The following PPP6R2 variants were observed in gnomAD, a reference collection of about 807,000 sequenced individuals.
PPP6R2 encodes the protein serine/threonine-protein phosphatase 6 regulatory subunit 2.
Under a neutral mutation model 100.2 loss-of-function variants are expected in PPP6R2, and 62 were observed. The observed-to-expected ratio is 0.62, with a 90% confidence interval of 0.50 to 0.76. The LOEUF (loss-of-function observed/expected upper bound fraction) is 0.76, where lower values mean the gene tolerates loss of function less well. Among genes scored for constraint, PPP6R2 ranks in the 30% least tolerant of loss-of-function variants. PPP6R2 has a pLI of 0.00. For synonymous variants in PPP6R2, 525 were observed against 514.7 expected (o/e 1.02, Z -0.27); for missense variants, 1,142 against 1,276.3 (o/e 0.89, Z 1.60).
chr22:50,440,356 T>G (rs1324197862), intron 21 of PPP6R2, among the ~76,000 whole-genome samples: 2 of 152,216 alleles, frequency 1.3e-5, no homozygotes, highest in African/African-American at 2.4e-5. Flanking sequence ...GAGATGTGTG[T>G]GGGTGGGTTG....
At chr22:50,332,512 G>A in the PPP6R2 span, among the ~76,000 whole-genome samples, 14 of 152,180 alleles carry the variant, frequency 9.2e-5, no homozygotes, top group East Asian at 2.5e-3. Flanking sequence ...TTACAGGCGT[G>A]AGCCACTGCG....
At chr22:50,334,206 T>C in the PPP6R2 span, among the ~76,000 whole-genome samples, 1 of 152,012 alleles carries the variant, frequency 6.6e-6, no homozygotes, top group African/African-American at 2.4e-5. Context: ...CCACAAGAGG[T>C]GGTGGAGCAG....
chr22:50,373,240 CTTT>C (rs530254249), intron 2 of PPP6R2, among the ~76,000 whole-genome samples: 4 of 126,420 alleles, frequency 3.2e-5, no homozygotes, highest in Non-Finnish European at 3.3e-5. Context: ...TAATTTCTTT[CTTT>C]TTTTTTTTTT....
rs2060491669 is a variant in PPP6R2, at chr22:50,416,089, C to T, written c.553-3C>T. The stretch of plus-strand genomic sequence containing the variant: ...CACTGAAAGGCCTCTTTTTCTCTTT[C>T]AGTGGCTGAATGAAGAGAAGGTCAT... On this transcript the variant is annotated splice_polypyrimidine_tract_variant and splice_region_variant and intron_variant, in intron 5 of 23. Coordinates refer to ENST00000612753, the MANE Select transcript of PPP6R2 (RefSeq NM_001242898.2). 1.2e-6 allele frequency: 2 copies of T among 1,612,390 alleles called. No homozygotes were observed. Among genetic ancestry groups the T allele is most frequent in the Non-Finnish European group, 1.7e-6 (2 of 1,178,496 alleles).
chr22:50,359,719 G>C (rs2047405142), intron 1 of PPP6R2, among the ~76,000 whole-genome samples: 1 of 152,034 alleles, frequency 6.6e-6, no homozygotes, highest in African/African-American at 2.4e-5. Flanking sequence ...ATATGTGGTT[G>C]GATTTGGTTT....
At chr22:50,421,466 C>G (rs556029266) in intron 8 of PPP6R2, among the ~76,000 whole-genome samples, 17 of 152,326 alleles carry the variant, frequency 1.1e-4, no homozygotes, top group African/African-American at 2.9e-4. Flanking sequence ...CCTGTCCCCC[C>G]CAAAGTGCTG....
At chr22:50,382,588 A>T (rs2053350560) in intron 2 of PPP6R2, among the ~76,000 whole-genome samples, 1 of 152,182 alleles carries the variant, frequency 6.6e-6, no homozygotes, top group Non-Finnish European at 1.5e-5. Flanking sequence ...GAAGTTAAAA[A>T]GTAGAATTAT....
intron 2 of PPP6R2, among the ~76,000 whole-genome samples, chr22:50,373,162 A>G (rs1187729696): frequency 6.6e-6 from 1 of 152,166 alleles, no homozygotes; most frequent in African/African-American, 2.4e-5. Context: ...GCTTCCAGCA[A>G]TATAAGATAC....
chr22:50,390,884 A>T (rs1384899438), intron 2 of PPP6R2, among the ~76,000 whole-genome samples: 1 of 151,286 alleles, frequency 6.6e-6, no homozygotes, highest in Non-Finnish European at 1.5e-5. Context: ...CTGTAATCCC[A>T]GCTACTCAGG....
At chr22:50,369,219 CAA>C (rs984357216) in intron 1 of PPP6R2, among the ~76,000 whole-genome samples, 10 of 146,340 alleles carry the variant, frequency 6.8e-5, no homozygotes, top group East Asian at 2.0e-4. Context: ...GCCTGGGCAA[CAA>C]GAGTGAAATT....
At chr22:50,413,818 T>G (rs1248086306) in intron 4 of PPP6R2, among the ~76,000 whole-genome samples, 1 of 151,980 alleles carries the variant, frequency 6.6e-6, no homozygotes, top group Non-Finnish European at 1.5e-5. Context: ...GAGGGCTGGG[T>G]CTACCCCAGC....
intron 4 of PPP6R2, among the ~76,000 whole-genome samples, chr22:50,410,353 T>C (rs1354730981): frequency 6.6e-6 from 1 of 152,194 alleles, no homozygotes; most frequent in African/African-American, 2.4e-5. Context: ...AGCTGGTAGC[T>C]CAGGCTACTT....
Position 50,438,255 on chromosome 22 carries a change from G to C in PPP6R2, c.1921G>C (p.Asp641His). 6.2e-7 allele frequency: 1 copy of C among 1,613,874 alleles called. No homozygotes were observed. Among genetic ancestry groups the C allele is most frequent in the Non-Finnish European group, 8.5e-7 (1 of 1,179,980 alleles). Residue 641 changes from aspartate to histidine, a missense_variant, in exon 18 of 24, where the codon GAC (aspartate) becomes CAC (histidine). Transcript: ENST00000612753. ...DDDEDEDIWEDSDTRCAARVM... is the reference protein window; with the variant it reads ...DDDEDEDIWEHSDTRCAARVM... ...TGATGAGGACGAGGACATCTGGGAG[G>C]ACAGTGACACTCGCTGTGCTGCCCG...
intron 2 of PPP6R2, chr22:50,388,955 A>G (rs1200266793): frequency 2.0e-5 from 3 of 152,134 alleles, no homozygotes; most frequent in Non-Finnish European, 4.4e-5. Flanking sequence ...TCTTAGCAAC[A>G]GTCTCTATCA....
chr22:50,416,041 G>A, intron 5 of PPP6R2, 51 bp from the exon 6 acceptor site: 1 of 1,526,782 alleles, frequency 6.5e-7, no homozygotes, highest in Non-Finnish European at 9.1e-7. Context: ...GGTTCCTGTT[G>A]TTTACTTAGA....
rs145382118 is a variant in PPP6R2, at chr22:50,428,419, G to A, written c.1126-2754G>A. 3.2e-4 allele frequency among the ~76,000 whole-genome samples: 48 copies of A among 152,228 alleles called. 1 individual carries two copies. In the East Asian group the frequency reaches 7.5e-3, roughly 24 times the overall value. On this transcript the variant is annotated intron_variant, in intron 10 of 23. Transcript: ENST00000612753. ...AATATTTAGAATTTTCTATGTGTAA[G>A]ATCATATCAGGTCAGGTGTGGTGGC...
chr22:50,352,199 C>T (rs1387919947), intron 1 of PPP6R2, among the ~76,000 whole-genome samples: 1 of 152,168 alleles, frequency 6.6e-6, no homozygotes, highest in Non-Finnish European at 1.5e-5. Context: ...CCTCGGCCTC[C>T]CAAAGTGCTG....
In PPP6R2 at chr22:50,439,744, G is replaced by A. The variant is rs547228397; in HGVS notation, c.2172G>A (p.Thr724=). 331 of 1,612,460 alleles carry A rather than the reference G, an allele frequency of 2.1e-4. No individual in the cohort carries two copies. The highest frequency in any genetic ancestry group is 2.7e-4 in the Non-Finnish European group (314 of 1,179,276). The change falls in exon 20 of 24, where the codon ACG becomes ACA. Residue 724 remains threonine (T), a synonymous_variant. Transcript: ENST00000612753. The stretch of plus-strand genomic sequence containing the variant: ...TGTTTGATGAGCCAGCGAACTCAAC[G>A]CCCACAGCCCCAGGAGTGGTGAGGG... The part of the protein sequence containing the change: ...TAVFDEPANS[T]PTAPGVVRDV...
intron 2 of PPP6R2, among the ~76,000 whole-genome samples, chr22:50,383,955 C>G: frequency 6.7e-6 from 1 of 150,164 alleles, no homozygotes; most frequent in East Asian, 2.0e-4. Context: ...AGAATCGCTT[C>G]AACCCGGGAG....
Sources: allele counts gnomAD v4.1 joint callset (sites outside exome capture counted in the v4.1 genomes callset), GRCh38; gene constraint gnomAD v4.1.1; transcripts MANE v1.5; gene names NCBI Gene and HGNC (gene_info 2026-07-23, HGNC 2026-07-21).